Variants in MYO3B observed in about 807,000 individuals in gnomAD.
MYO3B encodes myosin IIIB.
MYO3B carries 156 observed loss-of-function variants against 174.6 expected under a neutral mutation model. The observed-to-expected ratio is 0.89, with a 90% CI of 0.78 to 1.02. The LOEUF (loss-of-function observed/expected upper bound fraction) is 1.02. MYO3B is among the 50% of genes least tolerant of loss of function. The probability of loss-of-function intolerance (pLI) is 0.00; values close to 1 mark genes in which losing one functional copy is unlikely to be tolerated. For synonymous variants in MYO3B, 563 were observed against 569.1 expected, an observed-to-expected ratio of 0.99 and a Z score of 0.15; for missense variants, 1,632 against 1,639.4, an observed-to-expected ratio of 1.00 and a Z score of 0.08.
At chr2:170,481,132 G>A (rs896260227) in intron 25 of MYO3B, among the ~76,000 whole-genome samples, 3 of 152,146 alleles carry the variant, frequency 2.0e-5, no homozygotes, top group Non-Finnish European at 4.4e-5. Context: ...TTTTCTCTGG[G>A]TAGACAACAG....
At chr2:170,195,734 G>A (rs758871682) in intron 1 of MYO3B, among the ~76,000 whole-genome samples, 11 of 152,200 alleles carry the variant, frequency 7.2e-5, no homozygotes, top group Admixed American at 1.3e-4. Context: ...CCCCCAAGGC[G>A]CTCACCCCAG....
At chr2:170,370,955 A>G (rs1200221253) in intron 9 of MYO3B, among the ~76,000 whole-genome samples, 5 of 150,654 alleles carry the variant, frequency 3.3e-5, no homozygotes. Context: ...GCGGTGGCTC[A>G]CGCCTGTAAT....
chr2:170,244,773 A>G (rs552492887), intron 7 of MYO3B, among the ~76,000 whole-genome samples: 2 of 152,302 alleles, frequency 1.3e-5, no homozygotes, highest in Non-Finnish European at 2.9e-5. Flanking sequence ...ATGTCAGACA[A>G]TTTCCTTATT....
intron 32 of MYO3B, among the ~76,000 whole-genome samples, 159 bp downstream of exon 32, chr2:170,544,147 A>G (rs1690316603): frequency 6.6e-6 from 1 of 152,242 alleles, no homozygotes; most frequent in Non-Finnish European, 1.5e-5. Flanking sequence ...AACTTGTATT[A>G]AAGGTAGCAG....
intron 7 of MYO3B, among the ~76,000 whole-genome samples, chr2:170,237,429 A>G (rs904631367): frequency 4.0e-5 from 6 of 150,644 alleles, no homozygotes; most frequent in Admixed American, 2.0e-4. Flanking sequence ...ATAAGAGATC[A>G]TCTATATTTT....
intron 30 of MYO3B, among the ~76,000 whole-genome samples, chr2:170,534,449 G>T (rs748907575): frequency 5.3e-5 from 8 of 151,886 alleles, no homozygotes; most frequent in Non-Finnish European, 1.2e-4. Flanking sequence ...CTGTTTTTTT[G>T]TTTGTTTGTT....
intron 14 of MYO3B, among the ~76,000 whole-genome samples, chr2:170,388,327 A>G (rs114825459): frequency 0.016 from 2,434 of 152,278 alleles, 62 homozygotes; most frequent in African/African-American, 0.056. Context: ...TAAGCACCAG[A>G]AAGCAAAGTA....
intron 32 of MYO3B, chr2:170,602,041 A>G (rs1296158698): frequency 5.4e-6 from 5 of 920,204 alleles, no homozygotes; most frequent in Admixed American, 1.7e-5. Context: ...CACCTTTGCC[A>G]TATCTTCAAA....
intron 7 of MYO3B, among the ~76,000 whole-genome samples, chr2:170,306,599 T>G (rs2093702283): frequency 6.6e-6 from 1 of 152,174 alleles, no homozygotes; most frequent in Non-Finnish European, 1.5e-5. Context: ...CTGACTTGTG[T>G]TTTTCAAAAT....
At chr2:170,305,757 T>G (rs1183558379) in intron 7 of MYO3B, among the ~76,000 whole-genome samples, 1 of 152,148 alleles carries the variant, frequency 6.6e-6, no homozygotes, top group Admixed American at 6.5e-5. Context: ...AATAAATTTT[T>G]ATCTATTACT....
chr2:170,539,186 A>T (rs1473300904), intron 30 of MYO3B, among the ~76,000 whole-genome samples: 1 of 152,172 alleles, frequency 6.6e-6, no homozygotes, highest in East Asian at 1.9e-4. Context: ...TTTTCAGAGG[A>T]TCGAGCCATA....
At chr2:170,478,258 G>T (rs1406566940) in intron 25 of MYO3B, among the ~76,000 whole-genome samples, 1 of 151,990 alleles carries the variant, frequency 6.6e-6, no homozygotes, top group African/African-American at 2.4e-5. Context: ...GGAGAAGTGA[G>T]TGTGGAAATG....
At chr2:170,285,454 A>C (rs1211474555) in intron 7 of MYO3B, among the ~76,000 whole-genome samples, 1 of 151,578 alleles carries the variant, frequency 6.6e-6, no homozygotes, top group Non-Finnish European at 1.5e-5. Flanking sequence ...TCTGCCTCCC[A>C]GGTTCAAGTG....
intron 25 of MYO3B, among the ~76,000 whole-genome samples, chr2:170,495,820 A>G (rs1686826151): frequency 6.6e-6 from 1 of 152,226 alleles, no homozygotes; most frequent in South Asian, 2.1e-4. Context: ...TGATTTTACC[A>G]TTGACTTTTC....
At chr2:170,287,190 G>A (rs2093562812) in intron 7 of MYO3B, among the ~76,000 whole-genome samples, 2 of 152,060 alleles carry the variant, frequency 1.3e-5, no homozygotes, top group Non-Finnish European at 1.5e-5. Flanking sequence ...AATAAAGATG[G>A]GGGTGCATGT....
chr2:170,387,379 G>C (rs2094384354), intron 14 of MYO3B, 71 bp downstream of exon 14: 10 of 1,406,966 alleles, frequency 7.1e-6, no homozygotes, highest in Non-Finnish European at 9.0e-6. Context: ...AATTTTAATG[G>C]TTCAGTTTTC....
intron 22 of MYO3B, among the ~76,000 whole-genome samples, chr2:170,428,542 A>AT (rs1558991894): frequency 6.6e-6 from 1 of 152,156 alleles, no homozygotes; most frequent in African/African-American, 2.4e-5. Context: ...CGTGTTGTTG[A>AT]TTTTTGAACA....
chr2:170,433,450 AAGTTCAAAGCCAG>A (rs1200998163), intron 22 of MYO3B, among the ~76,000 whole-genome samples: 1 of 152,234 alleles, frequency 6.6e-6, no homozygotes, highest in Non-Finnish European at 1.5e-5. Flanking sequence ...TTGGTTCCAG[AAGTTCAAAGCCAG>A]AGTTGTCAGT....
intron 25 of MYO3B, among the ~76,000 whole-genome samples, chr2:170,489,527 T>C (rs1414590488): frequency 3.3e-5 from 5 of 152,202 alleles, no homozygotes; most frequent in African/African-American, 1.2e-4. Flanking sequence ...ACAGAACTTA[T>C]CTCTACCTTT....
Sources: gnomAD v4.1 joint callset for allele counts (sites outside exome capture counted in the v4.1 genomes callset) on GRCh38, gnomAD v4.1.1 for gene constraint, MANE v1.5 for transcripts, NCBI Gene and HGNC (gene_info 2026-07-23, HGNC 2026-07-21) for gene names.